CCDC170: variants seen among roughly 807,000 people sequenced by gnomAD.
The protein encoded by CCDC170 is coiled-coil domain containing 170.
CCDC170 carries 69 observed loss-of-function variants against 72.6 expected under a neutral mutation model. That is an observed-to-expected ratio of 0.95 (90% CI 0.78 to 1.16). CCDC170 has a LOEUF of 1.16. Ranked by LOEUF, CCDC170 falls within the 50% of genes most tolerant of loss-of-function variation. CCDC170 has a pLI of 0.00. For missense variants in CCDC170, 852 were observed against 832.5 expected, an observed-to-expected ratio of 1.02 and a Z score of -0.29; for synonymous variants, 300 against 303.9, an observed-to-expected ratio of 0.99 and a Z score of 0.13.
Position 151,615,822 on chromosome 6 carries a change from C to T in CCDC170, c.1947+143C>T, listed in dbSNP as rs542676289. The T allele has an allele frequency of 2.8e-4, 185 of 669,306 alleles. No homozygotes were observed. In the East Asian group the frequency reaches 3.6e-3, roughly 13 times the overall value. The allele number at this position is 669,306 out of a possible 1,614,324, so 41.5% of individuals were successfully genotyped here. A position where few individuals can be genotyped will look rare whatever the true frequency, so the allele number is the denominator to read the frequency against. On this transcript the variant is annotated intron_variant, in intron 10 of 10. Coordinates refer to ENST00000239374, the MANE Select transcript of CCDC170 (RefSeq NM_025059.4). ...TTGTATGTCATCGTTTTACGAGGGCCGTGCTAATTTTCTCTGTATCGTTCC... is the reference window on the plus strand; with the variant it reads ...TTGTATGTCATCGTTTTACGAGGGCTGTGCTAATTTTCTCTGTATCGTTCC...
At position 151,589,549 on chromosome 6, in the gene CCDC170, G is replaced by T. The variant is rs141706119; in HGVS notation, c.1293+3460G>T. On this transcript the variant is annotated intron_variant, in intron 7 of 10. Transcript: ENST00000239374. ...CACTGTAAATCCTGTCTCCTTACTA[G>T]ATCTCCAATGCCTCCCCCATCTCTA... Among the ~76,000 whole-genome samples the T allele has an allele frequency of 2.4e-3, 358 of 151,924 alleles. 2 individuals carry two copies. Among genetic ancestry groups the T allele is most frequent in the South Asian group, 0.017 (84 of 4,814 alleles).
At position 151,510,146 on chromosome 6, in the gene CCDC170, AAAC is replaced by A. The variant is rs931001818; in HGVS notation, c.57+15973_57+15975del. 5.3e-4 allele frequency among the ~76,000 whole-genome samples: 80 copies of A among 152,300 alleles called. 2 individuals are homozygous for A. The highest frequency in any genetic ancestry group is 3.5e-3 in the Admixed American group (53 of 15,302). The stretch of plus-strand genomic sequence containing the variant: ...AAACAAGCCCATAAAACAAATAAAC[AAAC>A]AACAACAACAAAAAAACATTCTGAG... On this transcript the variant is annotated intron_variant, in intron 1 of 10. Coordinates refer to ENST00000239374, the MANE Select transcript of CCDC170 (RefSeq NM_025059.4).
chr6:151,596,807 C>T (rs996125539), intron 9 of CCDC170, among the ~76,000 whole-genome samples: 4 of 152,048 alleles, frequency 2.6e-5, no homozygotes, highest in Non-Finnish European at 4.4e-5. Flanking sequence ...AAAAGTCAGT[C>T]AAAAAGTGGT....
chr6:151,590,747 G>T (rs77652720), intron 7 of CCDC170, among the ~76,000 whole-genome samples: 1 of 152,070 alleles, frequency 6.6e-6, no homozygotes, highest in Non-Finnish European at 1.5e-5. Context: ...TTGGGGTCTC[G>T]GCTTGCTCTT....
intron 2 of CCDC170, among the ~76,000 whole-genome samples, chr6:151,536,773 C>CAA (rs55663799): frequency 7.3e-4 from 58 of 79,204 alleles, no homozygotes; most frequent in Non-Finnish European, 1.0e-3. Flanking sequence ...GACTCCATCT[C>CAA]AAAAAAAAAA....
At chr6:151,522,766 T>A (rs1782342310) in intron 1 of CCDC170, among the ~76,000 whole-genome samples, 1 of 152,230 alleles carries the variant, frequency 6.6e-6, no homozygotes, top group Non-Finnish European at 1.5e-5. Flanking sequence ...CTATTCCTTT[T>A]GTGGCACTGA....
In CCDC170 at chr6:151,620,949, A is replaced by G. The variant is rs1283503257; in HGVS notation, c.*2802A>G. On this transcript the variant is annotated 3_prime_UTR_variant, in exon 11 of 11. Coordinates refer to ENST00000239374, the MANE Select transcript of CCDC170 (RefSeq NM_025059.4). Reference sequence around the variant, plus strand: ...ATTTATCCAAATATATGTTTATATAATATTTCCACTGTGTGACTCTAGTGA... The same window carrying G: ...ATTTATCCAAATATATGTTTATATAGTATTTCCACTGTGTGACTCTAGTGA... The G allele has an allele frequency of 1.3e-5, 2 of 152,180 alleles. No individual in the cohort carries two copies. Among genetic ancestry groups the G allele is most frequent in the Non-Finnish European group, 2.9e-5 (2 of 68,030 alleles). 9.4% of individuals were successfully genotyped at this position (152,180 alleles called of 1,614,324 possible).
intron 1 of CCDC170, among the ~76,000 whole-genome samples, chr6:151,525,090 A>ACT: frequency 1.3e-5 from 2 of 151,888 alleles, no homozygotes; most frequent in Non-Finnish European, 2.9e-5. Context: ...CCGCCACTGC[A>ACT]CCCAGCTAAT....
At chr6:151,531,178 C>T (rs567383169) in intron 1 of CCDC170, among the ~76,000 whole-genome samples, 1 of 151,992 alleles carries the variant, frequency 6.6e-6, no homozygotes, top group African/African-American at 2.4e-5. Context: ...GGAGATGGGA[C>T]CTTTGGGAGA....
intron 1 of CCDC170, among the ~76,000 whole-genome samples, chr6:151,535,111 TCTG>T (rs1164975335): frequency 2.0e-5 from 3 of 152,208 alleles, no homozygotes; most frequent in Non-Finnish European, 2.9e-5. Flanking sequence ...ACCCACCAAA[TCTG>T]CTCTGCAGGT....
At chr6:151,514,920 A>G (rs1359514085) in intron 1 of CCDC170, among the ~76,000 whole-genome samples, 1 of 152,208 alleles carries the variant, frequency 6.6e-6, no homozygotes, top group African/African-American at 2.4e-5. Flanking sequence ...AGCTTAGGCT[A>G]TGTGACTTTT....
chr6:151,512,152 G>GT (rs1247040921), intron 1 of CCDC170, among the ~76,000 whole-genome samples: 108 of 138,418 alleles, frequency 7.8e-4, no homozygotes, highest in African/African-American at 1.7e-3. Context: ...GCAGTATACC[G>GT]TTTTTTTTTG....
intron 1 of CCDC170, among the ~76,000 whole-genome samples, chr6:151,498,151 C>G (rs1377827592): frequency 1.3e-5 from 2 of 152,028 alleles, no homozygotes; most frequent in South Asian, 2.1e-4. Flanking sequence ...AAACCTAGAT[C>G]AAAGTTACAG....
At chr6:151,526,161 CTCCT>C in intron 1 of CCDC170, among the ~76,000 whole-genome samples, 1 of 148,926 alleles carries the variant, frequency 6.7e-6, no homozygotes, top group South Asian at 2.1e-4. Flanking sequence ...CCCTCCTTCC[CTCCT>C]TCCTTCTCTC....
chr6:151,613,975 G>A (rs1350778547), intron 9 of CCDC170, among the ~76,000 whole-genome samples: 1 of 152,114 alleles, frequency 6.6e-6, no homozygotes, highest in Non-Finnish European at 1.5e-5. Context: ...GAGAGTTCTA[G>A]CTTCCTCACA....
intron 9 of CCDC170, among the ~76,000 whole-genome samples, chr6:151,597,272 T>G (rs1453565634): frequency 6.6e-6 from 1 of 152,190 alleles, no homozygotes; most frequent in African/African-American, 2.4e-5. Context: ...ATTACAGGTG[T>G]GCACCACCAT....
intron 1 of CCDC170, among the ~76,000 whole-genome samples, chr6:151,529,101 T>C (rs1004443541): frequency 2.6e-5 from 4 of 152,198 alleles, no homozygotes; most frequent in Non-Finnish European, 5.9e-5. Context: ...CTTTTTTTTC[T>C]TGTCTCTAAA....
chr6:151,547,653 T>C (rs1305626416), intron 4 of CCDC170, among the ~76,000 whole-genome samples: 1 of 152,128 alleles, frequency 6.6e-6, no homozygotes, highest in African/African-American at 2.4e-5. Context: ...CAAGTCACCC[T>C]ACAGGCCTCC....
At chr6:151,513,380 CGGGCAGATCACT>C in intron 1 of CCDC170, among the ~76,000 whole-genome samples, 1 of 150,238 alleles carries the variant, frequency 6.7e-6, no homozygotes, top group South Asian at 2.1e-4. Context: ...GATGCCAAGG[CGGGCAGATCACT>C]TGAGGTCAGG....
Sources: gnomAD v4.1 joint callset for allele counts (sites outside exome capture counted in the v4.1 genomes callset) on GRCh38, gnomAD v4.1.1 for gene constraint, MANE v1.5 for transcripts, NCBI Gene and HGNC (gene_info 2026-07-23, HGNC 2026-07-21) for gene names.